NREP: variants seen among roughly 807,000 people sequenced by gnomAD.
NREP encodes neuronal regeneration-related protein.
A neutral mutation model predicts 8.6 loss-of-function variants in NREP; 5 were observed. That is an observed-to-expected ratio of 0.58 (90% confidence interval 0.30 to 1.22). NREP has a LOEUF of 1.22. NREP is among the 50% of genes most tolerant of loss of function. NREP has a pLI of 0.07. For synonymous variants in NREP, 27 were observed against 28.0 expected, an observed-to-expected ratio of 0.96 and a Z score of 0.11; for missense variants, 86 against 82.5, an observed-to-expected ratio of 1.04 and a Z score of -0.17.
chr5:111,910,302 C>G (rs897046676), intron 2 of NREP, among the ~76,000 whole-genome samples: 3 of 151,908 alleles, frequency 2.0e-5, no homozygotes, highest in African/African-American at 7.3e-5. Flanking sequence ...ACAGATTGAA[C>G]AAAGAACTTA....
chr5:111,731,063 C>G lies in NREP; in HGVS notation c.82-17G>C, dbSNP rs1561626153. 3 of 1,613,004 alleles carry G rather than the reference C, an allele frequency of 1.9e-6. No homozygotes were observed. Among genetic ancestry groups the G allele is most frequent in the Admixed American group, 3.3e-5 (2 of 59,950 alleles). ...AAGTCTTCCCTGCAAAGCAGGCAGACCCACACACAGACAGACACACATAAA... is the reference window on the plus strand; with the variant it reads ...AAGTCTTCCCTGCAAAGCAGGCAGAGCCACACACAGACAGACACACATAAA... On this transcript the variant is annotated splice_polypyrimidine_tract_variant and intron_variant, in intron 3 of 3. Coordinates refer to ENST00000257435, the MANE Select transcript of NREP (RefSeq NM_004772.4).
At chr5:111,897,017 G>A (rs906573439) in intron 2 of NREP, among the ~76,000 whole-genome samples, 2 of 151,964 alleles carry the variant, frequency 1.3e-5, no homozygotes, top group East Asian at 3.8e-4. Flanking sequence ...TATACTATTG[G>A]TTTTGGAGAA....
rs551326379 is a variant in NREP at position 111,778,639 on chromosome 5, G to A, written c.136-43132C>T. 2.0e-5 allele frequency among the ~76,000 whole-genome samples: 3 copies of A among 151,938 alleles called. No homozygotes were observed. The South Asian group carries it at 6.2e-4, about 32-fold the overall frequency. On this transcript the variant is annotated intron_variant, in intron 2 of 3. Transcript: ENST00000395634. ...GCTAATGTATTTCACTCCATTTCTTGGAATGGGCACATATTTTTCAGTATT... is the reference window on the plus strand; with the variant it reads ...GCTAATGTATTTCACTCCATTTCTTAGAATGGGCACATATTTTTCAGTATT...
chr5:111,973,081 G>C (rs1169167342), intron 2 of NREP, among the ~76,000 whole-genome samples: 4 of 152,182 alleles, frequency 2.6e-5, no homozygotes, highest in African/African-American at 9.7e-5. Flanking sequence ...TGGGAATTAA[G>C]TAGATGTGAC....
At chr5:111,941,944 T>C (rs1755840349) in intron 2 of NREP, among the ~76,000 whole-genome samples, 1 of 152,084 alleles carries the variant, frequency 6.6e-6, no homozygotes, top group Non-Finnish European at 1.5e-5. Flanking sequence ...TTAGCCTGCA[T>C]TTTTAACACC....
chr5:111,855,494 T>C (rs1399565901), intron 2 of NREP, among the ~76,000 whole-genome samples: 1 of 152,148 alleles, frequency 6.6e-6, no homozygotes, highest in Non-Finnish European at 1.5e-5. Flanking sequence ...AGTCAACATT[T>C]TTCCAGACCC....
intron 2 of NREP, among the ~76,000 whole-genome samples, chr5:111,749,192 A>C (rs1372495192): frequency 1.3e-5 from 2 of 152,170 alleles, no homozygotes; most frequent in African/African-American, 4.8e-5. Context: ...GCAGAAATAA[A>C]ACTTTGGAAG....
chr5:111,954,772 C>G (rs1756262523), intron 2 of NREP, among the ~76,000 whole-genome samples: 1 of 152,068 alleles, frequency 6.6e-6, no homozygotes, highest in Non-Finnish European at 1.5e-5. Flanking sequence ...AAACTATTAC[C>G]ATCAAGAAAT....
At chr5:111,906,644 A>C (rs1754786025) in intron 2 of NREP, among the ~76,000 whole-genome samples, 1 of 152,048 alleles carries the variant, frequency 6.6e-6, no homozygotes. Flanking sequence ...GGGGCTCCCT[A>C]AGCTTTTTCC....
intron 2 of NREP, among the ~76,000 whole-genome samples, chr5:111,954,013 G>A (rs1362635767): frequency 1.3e-5 from 2 of 152,112 alleles, no homozygotes; most frequent in Non-Finnish European, 2.9e-5. Flanking sequence ...CTAAGGAATT[G>A]TAACTTTATG....
chr5:111,908,620 G>A (rs866533242), intron 2 of NREP, among the ~76,000 whole-genome samples: 7 of 151,854 alleles, frequency 4.6e-5, no homozygotes, highest in African/African-American at 1.5e-4. Context: ...TCTTTTTCAT[G>A]GCTGCATAGT....
At chr5:111,744,352 A>G (rs764321903) in intron 2 of NREP, among the ~76,000 whole-genome samples, 16 of 152,108 alleles carry the variant, frequency 1.1e-4, no homozygotes, top group Non-Finnish European at 2.2e-4. Context: ...AGTGGTTTCT[A>G]TTGCAGATGG....
intron 3 of NREP, chr5:111,733,144 C>A (rs1228882529): frequency 1.3e-5 from 2 of 152,182 alleles, no homozygotes; most frequent in East Asian, 1.9e-4. Context: ...AGATAATATA[C>A]ATTTCTTCAT....
At chr5:111,887,331 A>T (rs1754286288) in intron 2 of NREP, among the ~76,000 whole-genome samples, 1 of 152,200 alleles carries the variant, frequency 6.6e-6, no homozygotes, top group South Asian at 2.1e-4. Context: ...TGCACATATG[A>T]AGACGGAGGT....
intron 2 of NREP, among the ~76,000 whole-genome samples, chr5:111,762,893 A>G (rs2112864729): frequency 6.6e-6 from 1 of 152,316 alleles, no homozygotes; most frequent in East Asian, 1.9e-4. Context: ...CTACAATGCA[A>G]AGTCTGAGGA....
intron 2 of NREP, among the ~76,000 whole-genome samples, chr5:111,786,198 A>G (rs1440304859): frequency 6.6e-6 from 1 of 152,190 alleles, no homozygotes; most frequent in Non-Finnish European, 1.5e-5. Flanking sequence ...ATGGTTTTAT[A>G]AGGGGCTCTT....
At chr5:111,880,221 G>A (rs1447245113) in intron 2 of NREP, among the ~76,000 whole-genome samples, 1 of 151,936 alleles carries the variant, frequency 6.6e-6, no homozygotes, top group Non-Finnish European at 1.5e-5. Context: ...ACCTCATTGG[G>A]TTATGAGAAT....
At chr5:111,966,950 G>A (rs937357935) in intron 2 of NREP, among the ~76,000 whole-genome samples, 1 of 152,166 alleles carries the variant, frequency 6.6e-6, no homozygotes, top group African/African-American at 2.4e-5. Context: ...GCCCAAGAAA[G>A]GGTCTAGGCC....
intron 2 of NREP, among the ~76,000 whole-genome samples, chr5:111,918,501 AGCAAG>A (rs994741341): frequency 4.6e-5 from 7 of 152,224 alleles, no homozygotes; most frequent in African/African-American, 1.7e-4. Flanking sequence ...TGGTACTGGT[AGCAAG>A]ACAGATACAT....
Sources: allele counts gnomAD v4.1 joint callset (sites outside exome capture counted in the v4.1 genomes callset), GRCh38; gene constraint gnomAD v4.1.1; transcripts MANE v1.5; gene names NCBI Gene and HGNC (gene_info 2026-07-23, HGNC 2026-07-21).